The following PPME1 variants were observed in gnomAD, a reference collection of about 807,000 sequenced individuals.
The protein encoded by PPME1 is testicular secretory protein Li 39.
Under a neutral mutation model 56.9 loss-of-function variants are expected in PPME1, and 17 were observed. The observed-to-expected ratio is 0.30, with a 90% CI of 0.20 to 0.45. PPME1 has a LOEUF of 0.45. Ranked by LOEUF, PPME1 falls within the 20% of genes least tolerant of loss-of-function variation. PPME1 has a pLI of 1.00. For synonymous variants in PPME1, 122 were observed against 156.2 expected (o/e 0.78, Z 1.63); for missense variants, 357 against 483.2 (o/e 0.74, Z 2.45).
At chr11:74,236,885 TATC>T (rs774047029) in intron 8 of PPME1, among the ~76,000 whole-genome samples, 1 of 152,362 alleles carries the variant, frequency 6.6e-6, no homozygotes, top group Non-Finnish European at 1.5e-5. Context: ...AATTCTTTAA[TATC>T]ATCAAATATC....
chr11:74,177,465 G>C (rs1007874823), intron 1 of PPME1, among the ~76,000 whole-genome samples: 9 of 149,882 alleles, frequency 6.0e-5, no homozygotes, highest in African/African-American at 1.7e-4. Context: ...AAAAAAAAAA[G>C]TCTTCTTTCT....
chr11:74,222,380 T>C lies in PPME1; in HGVS notation c.346+11T>C. The C allele has an allele frequency of 6.3e-7, 1 of 1,593,426 alleles. No homozygotes were observed. Among genetic ancestry groups the C allele is most frequent in the Non-Finnish European group, 8.6e-7 (1 of 1,161,256 alleles). On this transcript the variant is annotated intron_variant, in intron 4 of 13. Transcript: ENST00000328257. The stretch of plus-strand genomic sequence containing the variant: ...ATCTGCGAAGTCATGGTGAGTAAAG[T>C]TCTTAATTAGCCATTAACTGGATTA...
chr11:74,213,845 T>G (rs921099440), intron 3 of PPME1, among the ~76,000 whole-genome samples: 60 of 152,180 alleles, frequency 3.9e-4, no homozygotes, highest in African/African-American at 1.4e-3. Flanking sequence ...TTTGAATACC[T>G]GGAAAGCTTT....
intron 3 of PPME1, among the ~76,000 whole-genome samples, chr11:74,219,314 A>G (rs1462776411): frequency 6.6e-6 from 1 of 151,232 alleles, no homozygotes; most frequent in Non-Finnish European, 1.5e-5. Flanking sequence ...GCCACTATGG[A>G]GAACAGTTTG....
At chr11:74,186,932 T>C (rs1857699651) in intron 1 of PPME1, among the ~76,000 whole-genome samples, 1 of 152,194 alleles carries the variant, frequency 6.6e-6, no homozygotes, top group Non-Finnish European at 1.5e-5. Flanking sequence ...ATGTATGATA[T>C]GAGGAATGAG....
chr11:74,250,831 C>T (rs1859638960), intron 11 of PPME1, 123 bp from the exon 12 acceptor site: 1 of 746,530 alleles, frequency 1.3e-6, no homozygotes, highest in South Asian at 1.7e-5. Flanking sequence ...TAATTGGGTC[C>T]AGAGTATTGA....
At chr11:74,236,017 G>A in intron 8 of PPME1, 51 bp downstream of exon 8, 1 of 1,588,736 alleles carries the variant, frequency 6.3e-7, no homozygotes, top group Non-Finnish European at 8.6e-7. Context: ...AACATGGTGA[G>A]GGAATTACAG....
chr11:74,244,482 T>C (rs1486001575), intron 9 of PPME1, among the ~76,000 whole-genome samples: 2 of 152,220 alleles, frequency 1.3e-5, no homozygotes, highest in Admixed American at 6.5e-5. Flanking sequence ...TGGTATCTCA[T>C]TGTGGTGTTG....
chr11:74,222,439 T>C (rs1435765903), intron 4 of PPME1, 70 bp downstream of exon 4: 13 of 1,352,452 alleles, frequency 9.6e-6, no homozygotes, highest in Non-Finnish European at 1.4e-5. Flanking sequence ...GTTGTAACTA[T>C]TAGAAATTTC....
rs1186185230 is a variant in PPME1, at chr11:74,246,092, C to G, written c.851C>G (p.Pro284Arg). The stretch of plus-strand genomic sequence containing the variant: ...TTCCTCCAGACCAAGAAAGACCATC[C>G]ATACACCTGGAGAATTGAACTGGCA... ...EDDMETKKDH[P>R]YTWRIELAKT... The change falls in exon 10 of 14, where the codon CCA becomes CGA. Residue 284 changes from proline (P) to arginine (R), a missense_variant. Around this residue, in one of 2 missense-constraint regions of PPME1, gnomAD observed 182 missense variants for 293.8 expected, o/e 0.62. Coordinates refer to ENST00000328257, the MANE Select transcript of PPME1 (RefSeq NM_016147.3). 1 of 1,578,616 alleles carries G rather than the reference C, an allele frequency of 6.3e-7. No homozygotes were observed. The highest frequency in any genetic ancestry group is 8.6e-7 in the Non-Finnish European group (1 of 1,161,150).
At chr11:74,251,332 C>T (rs1480986246) in intron 12 of PPME1, 1 of 1,358,194 alleles carries the variant, frequency 7.4e-7, no homozygotes. Flanking sequence ...AGAAACTGCT[C>T]CCTAAACCAC....
At chr11:74,194,301 G>A (rs1284684904) in intron 1 of PPME1, among the ~76,000 whole-genome samples, 3 of 152,058 alleles carry the variant, frequency 2.0e-5, no homozygotes, top group Non-Finnish European at 4.4e-5. Flanking sequence ...GCTTGATGGA[G>A]AAAGGTTTCC....
At chr11:74,240,656 C>T (rs1230737188) in intron 9 of PPME1, among the ~76,000 whole-genome samples, 1 of 152,114 alleles carries the variant, frequency 6.6e-6, no homozygotes, top group African/African-American at 2.4e-5. Flanking sequence ...ATACTTTGTA[C>T]CTCTTTAGAG....
chr11:74,208,445 C>T (rs1232734331), intron 3 of PPME1, among the ~76,000 whole-genome samples: 3 of 152,130 alleles, frequency 2.0e-5, no homozygotes, highest in Non-Finnish European at 4.4e-5. Flanking sequence ...TATGTTCCAT[C>T]TTCCTGTTCT....
chr11:74,243,617 A>T (rs1298238778), intron 9 of PPME1: 2 of 152,142 alleles, frequency 1.3e-5, no homozygotes, highest in African/African-American at 4.8e-5. Flanking sequence ...TAGTGAGAAT[A>T]TTTGAATCAT....
At chr11:74,215,973 A>G (rs1337694660) in intron 3 of PPME1, among the ~76,000 whole-genome samples, 4 of 152,206 alleles carry the variant, frequency 2.6e-5, no homozygotes, top group African/African-American at 9.7e-5. Context: ...ATATATATGC[A>G]CCCAACACTG....
chr11:74,172,004 G>A (rs1238841870), intron 1 of PPME1, among the ~76,000 whole-genome samples: 3 of 152,146 alleles, frequency 2.0e-5, no homozygotes, highest in Non-Finnish European at 2.9e-5. Flanking sequence ...GAAAAGCTGA[G>A]GGGGGTAGAA....
At chr11:74,193,750 T>C (rs910800538) in intron 1 of PPME1, among the ~76,000 whole-genome samples, 1 of 152,246 alleles carries the variant, frequency 6.6e-6, no homozygotes, top group African/African-American at 2.4e-5. Context: ...TCCTTAGCTG[T>C]GTCTAATATG....
In PPME1 at chr11:74,201,265, G is replaced by A. The variant is rs191264993; in HGVS notation, c.102-2463G>A. Reference sequence around the variant, plus strand: ...GCTGGGATTACAGGCGTGAGCCACCGCGCCCGGCTACAGGCCTTTTTTGTT... The same window carrying A: ...GCTGGGATTACAGGCGTGAGCCACCACGCCCGGCTACAGGCCTTTTTTGTT... On this transcript the variant is annotated intron_variant, in intron 1 of 13. Transcript: ENST00000328257. 8.5e-3 allele frequency among the ~76,000 whole-genome samples: 1,291 copies of A among 152,258 alleles called. 10 individuals are homozygous for A. Among genetic ancestry groups the A allele is most frequent in the African/African-American group, 0.029 (1,188 of 41,562 alleles).
Sources: gnomAD v4.1 joint callset for allele counts (sites outside exome capture counted in the v4.1 genomes callset) on GRCh38, gnomAD v4.1.1 for gene constraint, gnomAD v4.1.1 regional missense constraint, MANE v1.5 for transcripts, NCBI Gene and HGNC (gene_info 2026-07-23, HGNC 2026-07-21) for gene names.